DDX23: variants seen among roughly 807,000 people sequenced by gnomAD.
DDX23 encodes probable ATP-dependent RNA helicase DDX23.
DDX23 carries 33 observed loss-of-function variants against 102.7 expected under a neutral mutation model. The observed-to-expected ratio is 0.32, with a 90% confidence interval of 0.24 to 0.43. The LOEUF (loss-of-function observed/expected upper bound fraction) is 0.43. DDX23 is among the 20% of genes least tolerant of loss of function. DDX23 has a pLI of 1.00. For missense variants in DDX23, 549 were observed against 1,086.6 expected, an observed-to-expected ratio of 0.51 and a Z score of 6.96; for synonymous variants, 352 against 376.0, an observed-to-expected ratio of 0.94 and a Z score of 0.74.
intron 16 of DDX23, 98 bp downstream of exon 16, chr12:48,831,036 GAGGGAGGC>G (rs1938378676): frequency 1.6e-6 from 2 of 1,287,622 alleles, no homozygotes; most frequent in Non-Finnish European, 2.2e-6. Flanking sequence ...ACTTGGAACT[GAGGGAGGC>G]AGTAACAGCC....
chr12:48,839,133 C>T (rs1938507799), intron 5 of DDX23, among the ~76,000 whole-genome samples: 1 of 152,086 alleles, frequency 6.6e-6, no homozygotes, highest in Non-Finnish European at 1.5e-5. Context: ...TCTTGGCCTT[C>T]CAAAGTATTG....
chr12:48,832,737 C>G lies in DDX23; in HGVS notation c.1804-164G>C. 1 of 842,300 alleles carries G rather than the reference C, an allele frequency of 1.2e-6. No homozygotes were observed. The highest frequency in any genetic ancestry group is 1.8e-6 in the Non-Finnish European group (1 of 565,622). 52.2% of individuals were successfully genotyped at this position (842,300 alleles called of 1,614,324 possible). A position where few individuals can be genotyped will look rare whatever the true frequency, so the allele number is the denominator to read the frequency against. On this transcript the variant is annotated intron_variant, in intron 13 of 16. Transcript: ENST00000308025. This position sits in a 1 kb window ranked among gnomAD's most constrained non-coding sequence, Gnocchi z 4.4. ...TAGTGTCCTCTGAATTCCCATCCTT[C>G]CTGAGTACCTGCTCATCAAGGCACT...
chr12:48,845,345 C>G (rs188034068), intron 2 of DDX23, among the ~76,000 whole-genome samples: 1 of 151,598 alleles, frequency 6.6e-6, no homozygotes, highest in East Asian at 2.0e-4. Flanking sequence ...CAGCTACGCA[C>G]TCAGGAGGCA....
Position 48,836,596 on chromosome 12 carries a change from C to T in DDX23, c.1209G>A (p.Leu403=). 1 of 1,613,834 alleles carries T rather than the reference C, an allele frequency of 6.2e-7. No homozygotes were observed. Among genetic ancestry groups the T allele is most frequent in the South Asian group, 1.1e-5 (1 of 91,064 alleles). ...WKDSSLPPHI[L]EVIDKCGYKE... ...TGTAGCCACACTTATCAATGACCTC[C>T]AAGATGTGTGGGGGCAGAGAAGAGT... Residue 403 remains leucine, a synonymous_variant, in exon 10 of 17, where the codon TTG becomes TTA. Coordinates refer to ENST00000308025, the MANE Select transcript of DDX23 (RefSeq NM_004818.3). The surrounding 1 kb of genome is among the most constrained non-coding windows in gnomAD (Gnocchi z 6.1).
chr12:48,843,566 T>C (rs1262707571), intron 3 of DDX23, among the ~76,000 whole-genome samples: 1 of 120,340 alleles, frequency 8.3e-6, no homozygotes, highest in Non-Finnish European at 1.8e-5. Flanking sequence ...TTTTTTTTTT[T>C]GAGACAGAGT....
intron 2 of DDX23, 129 bp from the exon 3 acceptor site, chr12:48,844,179 G>A (rs1010041810): frequency 4.3e-5 from 37 of 853,142 alleles, no homozygotes; most frequent in African/African-American, 3.2e-4. Flanking sequence ...TATCTCTCAC[G>A]GAAATAACGA....
Position 48,830,712 on chromosome 12 carries a change from T to C in DDX23, c.2240-20A>G. On this transcript the variant is annotated intron_variant, in intron 16 of 16. Transcript: ENST00000308025. This position sits in a 1 kb window ranked among gnomAD's most constrained non-coding sequence, Gnocchi z 4.9. Reference sequence around the variant, plus strand: ...TGTAATCTGGGGAATGGGAAGAACGTCACTCAGCATAGCCCAGATGCCCTG... The same window carrying C: ...TGTAATCTGGGGAATGGGAAGAACGCCACTCAGCATAGCCCAGATGCCCTG... 6.3e-7 allele frequency: 1 copy of C among 1,585,666 alleles called. No individual in the cohort carries two copies. The highest frequency in any genetic ancestry group is 2.2e-5 in the East Asian group (1 of 44,750).
At chr12:48,840,275 C>A in intron 3 of DDX23, 169 bp from the exon 4 acceptor site, 2 of 687,090 alleles carry the variant, frequency 2.9e-6, no homozygotes, top group Non-Finnish European at 5.3e-6. Context: ...ATTCTGCCAG[C>A]TCTGAAACCT....
chr12:48,829,788 G>A lies in DDX23; in HGVS notation c.*681C>T, dbSNP rs745758497. ...CTTAATATTCATGTATTTATTCTCA[G>A]AACATACAAACTTATCTTCTCAGAG... On this transcript the variant is annotated 3_prime_UTR_variant, in exon 17 of 17. Coordinates refer to ENST00000308025, the MANE Select transcript of DDX23 (RefSeq NM_004818.3). The A allele has an allele frequency of 1.2e-4, 26 of 209,290 alleles. 1 individual carries two copies. The highest frequency in any genetic ancestry group is 2.6e-4 in the Admixed American group (5 of 19,012). The allele number at this position is 209,290 out of a possible 1,614,324, so 13.0% of individuals were successfully genotyped here.
chr12:48,830,037 T>A lies in DDX23; in HGVS notation c.*432A>T, dbSNP rs1938358742. 2.7e-6 allele frequency: 1 copy of A among 366,012 alleles called. No individual in the cohort carries two copies. Among genetic ancestry groups the A allele is most frequent in the African/African-American group, 2.1e-5 (1 of 47,100 alleles). 22.7% of individuals were successfully genotyped at this position (366,012 alleles called of 1,614,324 possible). A position where few individuals can be genotyped will look rare whatever the true frequency, so the allele number is the denominator to read the frequency against. Reference sequence around the variant, plus strand: ...AAGATTCCACTGTCTGTAATCCTCATGGTGCCAGGTCTCCTGGGGCATCTA... The same window carrying A: ...AAGATTCCACTGTCTGTAATCCTCAAGGTGCCAGGTCTCCTGGGGCATCTA... On this transcript the variant is annotated 3_prime_UTR_variant, in exon 17 of 17. Coordinates refer to ENST00000308025, the MANE Select transcript of DDX23 (RefSeq NM_004818.3). The surrounding 1 kb of genome is among the most constrained non-coding windows in gnomAD (Gnocchi z 4.9).
At chr12:48,851,405 G>A (rs1938755700) in intron 1 of DDX23, among the ~76,000 whole-genome samples, 1 of 152,014 alleles carries the variant, frequency 6.6e-6, no homozygotes, top group Non-Finnish European at 1.5e-5. Context: ...CCCGGGAGGC[G>A]GAGGTTGCAG....
In DDX23 at chr12:48,836,937, G is replaced by A. The variant is rs1220100815; in HGVS notation, c.967C>T (p.Leu323=). The A allele has an allele frequency of 6.2e-7, 1 of 1,613,886 alleles. No homozygotes were observed. Among genetic ancestry groups the A allele is most frequent in the Admixed American group, 1.7e-5 (1 of 60,008 alleles). Reference sequence around the variant, plus strand: ...TCCAGGGTTCGCCTCTTCTCCATTAGGTCTCCATAGAAACGTGACTGCTCT... The same window carrying A: ...TCCAGGGTTCGCCTCTTCTCCATTAAGTCTCCATAGAAACGTGACTGCTCT... The part of the protein sequence containing the change: ...KREQSRFYGD[L]MEKRRTLEEK... Residue 323 remains leucine (L), a synonymous_variant, in exon 9 of 17, where the codon CTA becomes TTA. Transcript: ENST00000308025. This position sits in a 1 kb window ranked among gnomAD's most constrained non-coding sequence, Gnocchi z 6.1.
chr12:48,839,159 G>A (rs996907792), intron 5 of DDX23, among the ~76,000 whole-genome samples: 3 of 152,050 alleles, frequency 2.0e-5, no homozygotes, highest in African/African-American at 7.2e-5. Context: ...ACAGGTGTGA[G>A]CCACTGTACC....
chr12:48,849,815 C>A (rs564951107), intron 1 of DDX23, among the ~76,000 whole-genome samples: 1 of 152,320 alleles, frequency 6.6e-6, no homozygotes, highest in East Asian at 1.9e-4. Context: ...AGGAACACGG[C>A]TTGTGCCCCC....
At position 48,839,755 on chromosome 12, in the gene DDX23, A is replaced by C. The variant is rs1411859087; in HGVS notation, c.480+89T>G. 5 of 1,367,834 alleles carry C rather than the reference A, an allele frequency of 3.7e-6. No individual in the cohort carries two copies. In the African/African-American group the frequency reaches 7.3e-5, roughly 20 times the overall value. The allele number at this position is 1,367,834 out of a possible 1,614,324, so 84.7% of individuals were successfully genotyped here. On this transcript the variant is annotated intron_variant, in intron 5 of 16. Transcript: ENST00000308025. ...GACTTCCAGCCTCCAGAACTGTGAG[A>C]AAATTAACTTCTGTCGTTGAAGTCA...
chr12:48,839,785 G>A lies in DDX23; in HGVS notation c.480+59C>T, dbSNP rs1938520311. 5 of 1,560,072 alleles carry A rather than the reference G, an allele frequency of 3.2e-6. No individual in the cohort carries two copies. The Admixed American group carries it at 7.0e-5, about 22-fold the overall frequency. ...TAACTTCTGTCGTTGAAGTCACCCA[G>A]TCTGTGGTATTGTGTTATGGCAGCC... On this transcript the variant is annotated intron_variant, in intron 5 of 16. Coordinates refer to ENST00000308025, the MANE Select transcript of DDX23 (RefSeq NM_004818.3).
At chr12:48,843,205 T>C (rs909229723) in intron 3 of DDX23, among the ~76,000 whole-genome samples, 2 of 150,840 alleles carry the variant, frequency 1.3e-5, no homozygotes, top group African/African-American at 4.9e-5. Context: ...GAGACCTTTG[T>C]TCACTTGTTT....
At chr12:48,850,652 G>A in intron 1 of DDX23, among the ~76,000 whole-genome samples, 1 of 152,180 alleles carries the variant, frequency 6.6e-6, no homozygotes, top group East Asian at 1.9e-4. Context: ...GGATGAACCA[G>A]AGAAAAAGAC....
chr12:48,830,310 C>T lies in DDX23; in HGVS notation c.*159G>A, dbSNP rs779482376. 1.9e-5 allele frequency: 17 copies of T among 890,546 alleles called. No individual in the cohort carries two copies. The South Asian group carries it at 2.1e-4, about 11-fold the overall frequency. The allele number at this position is 890,546 out of a possible 1,614,324, so 55.2% of individuals were successfully genotyped here. A position where few individuals can be genotyped will look rare whatever the true frequency, so the allele number is the denominator to read the frequency against. ...TCCTCTCCTTTTGCAGCCCCACACG[C>T]AGGCCTCCTGACCTGAGGGTCTGGG... is the stretch of plus-strand genomic sequence containing the variant. On this transcript the variant is annotated 3_prime_UTR_variant, in exon 17 of 17. Coordinates refer to ENST00000308025, the MANE Select transcript of DDX23 (RefSeq NM_004818.3). This position sits in a 1 kb window ranked among gnomAD's most constrained non-coding sequence, Gnocchi z 4.9.
Sources: allele counts gnomAD v4.1 joint callset (sites outside exome capture counted in the v4.1 genomes callset), GRCh38; gene constraint gnomAD v4.1.1; non-coding constraint Gnocchi (gnomAD v3.1); transcripts MANE v1.5; gene names NCBI Gene and HGNC (gene_info 2026-07-23, HGNC 2026-07-21).